PGLS: variants seen among roughly 807,000 people sequenced by gnomAD.
The protein encoded by PGLS is epididymis secretory protein Li 304.
PGLS carries 21 observed loss-of-function variants against 23.2 expected under a neutral mutation model. The ratio of observed to expected loss-of-function variants is 0.91; its 90% CI spans 0.64 to 1.31. PGLS has a LOEUF of 1.31. PGLS is among the 50% of genes most tolerant of loss of function. The pLI is 0.00. For synonymous variants in PGLS, 179 were observed against 165.4 expected (o/e 1.08, Z -0.63); for missense variants, 410 against 354.0 (o/e 1.16, Z -1.27).
chr19:17,513,489 ACAGAGTGAGACTGTCT>A (rs2075519046), intron 1 of PGLS, among the ~76,000 whole-genome samples: 2 of 147,572 alleles, frequency 1.4e-5, no homozygotes, highest in African/African-American at 5.1e-5. Flanking sequence ...ACCCTGGGCG[ACAGAGTGAGACTGTCT>A]TAAAGATAAA....
Position 17,516,228 on chromosome 19 carries a change from C to G in PGLS, c.344C>G (p.Pro115Arg). 1 of 1,614,134 alleles carries G rather than the reference C, an allele frequency of 6.2e-7. No individual in the cohort carries two copies. Among genetic ancestry groups the G allele is most frequent in the Non-Finnish European group, 8.5e-7 (1 of 1,179,984 alleles). Reference sequence around the variant, plus strand: ...GAAAGCCAGGTGATCACCATTAACCCCGAGCTGCCTGTGGAGGAGGCGGCT... The same window carrying G: ...GAAAGCCAGGTGATCACCATTAACCGCGAGCTGCCTGTGGAGGAGGCGGCT... ...IPESQVITIN[P>R]ELPVEEAAED... is the part of the protein sequence containing the mutation. The change falls in exon 2 of 5, where the codon CCC (proline) becomes CGC (arginine). Residue 115 changes from proline to arginine, a missense_variant. Transcript: ENST00000252603.
At chr19:17,516,823 G>A (rs377181026) in intron 2 of PGLS, among the ~76,000 whole-genome samples, 42 of 150,712 alleles carry the variant, frequency 2.8e-4, no homozygotes, top group African/African-American at 9.3e-4. Context: ...TCCTGACCTC[G>A]TGATCCGCCC....
chr19:17,521,263 G>A lies in PGLS; in HGVS notation c.*182G>A, dbSNP rs535935012. 8 of 594,844 alleles carry A rather than the reference G, an allele frequency of 1.3e-5. No homozygotes were observed. Among genetic ancestry groups the A allele is most frequent in the South Asian group, 2.2e-5 (1 of 44,906 alleles). The allele number at this position is 594,844 out of a possible 1,614,324, so 36.8% of individuals were successfully genotyped here. A position where few individuals can be genotyped will look rare whatever the true frequency, so the allele number is the denominator to read the frequency against. On this transcript the variant is annotated 3_prime_UTR_variant, in exon 5 of 5. Transcript: ENST00000252603. Reference sequence around the variant, plus strand: ...ACACAGGCTGTGGCTCTGGACATCCGGATATTAAAAGGAGCGTTGCTGGAA... The same window carrying A: ...ACACAGGCTGTGGCTCTGGACATCCAGATATTAAAAGGAGCGTTGCTGGAA...
At position 17,521,024 on chromosome 19, in the gene PGLS, G is replaced by C; in HGVS notation, c.720G>C (p.Leu240Phe). 1 of 1,601,258 alleles carries C rather than the reference G, an allele frequency of 6.2e-7. No individual in the cohort carries two copies. Among genetic ancestry groups the C allele is most frequent in the Non-Finnish European group, 8.5e-7 (1 of 1,173,212 alleles). Residue 240 changes from leucine (L) to phenylalanine (F), a missense_variant, in exon 5 of 5, where the codon TTG becomes TTC. Coordinates refer to ENST00000252603, the MANE Select transcript of PGLS (RefSeq NM_012088.3). Reference protein sequence around the residue: ...QPHTGKLCWFLDEAAARLLTV... With the variant: ...QPHTGKLCWFFDEAAARLLTV... ...ACACCGGGAAACTGTGCTGGTTCTT[G>C]GACGAGGCGGCCGCCCGCCTCCTGA... is the stretch of plus-strand genomic sequence containing the variant.
chr19:17,517,980 G>T, intron 4 of PGLS, 130 bp downstream of exon 4: 11 of 672,270 alleles, frequency 1.6e-5, no homozygotes, highest in Non-Finnish European at 2.3e-5. Flanking sequence ...GGGTTGAAAG[G>T]TAACTTGAAA....
At chr19:17,512,031 A>AC in intron 1 of PGLS, 71 bp downstream of exon 1, 1 of 1,429,432 alleles carries the variant, frequency 7.0e-7, no homozygotes, top group Non-Finnish European at 9.2e-7. Flanking sequence ...CCGGCTACGG[A>AC]GGCCGCCGGG....
rs201750643 is a variant in PGLS, at chr19:17,521,095, C to T, written c.*14C>T. 1.1e-4 allele frequency: 180 copies of T among 1,584,280 alleles called. No homozygotes were observed. The highest frequency in any genetic ancestry group is 2.4e-4 in the South Asian group (21 of 87,442). On this transcript the variant is annotated 3_prime_UTR_variant, in exon 5 of 5. Transcript: ENST00000252603. ...TCCACTTTGTAGCTGGCCAGAGGGA[C>T]GCCGCAGCTGGGACCAGGCACGCGG...
At chr19:17,515,773 C>A (rs946208263) in intron 1 of PGLS, 12 of 194,944 alleles carry the variant, frequency 6.2e-5, no homozygotes, top group African/African-American at 2.3e-4. Flanking sequence ...TAGACAGGTG[C>A]AGGCTATGGC....
At position 17,521,199 on chromosome 19, in the gene PGLS, C is replaced by A; in HGVS notation, c.*118C>A. On this transcript the variant is annotated 3_prime_UTR_variant, in exon 5 of 5. Coordinates refer to ENST00000252603, the MANE Select transcript of PGLS (RefSeq NM_012088.3). ...AGCCACGTCGTGCTGCTGCTGGAAG[C>A]CAACAGCCTCCGGCCAGCAGCCCTA... is the stretch of plus-strand genomic sequence containing the variant. The A allele has an allele frequency of 9.4e-7, 1 of 1,066,102 alleles. No homozygotes were observed. The highest frequency in any genetic ancestry group is 1.3e-6 in the Non-Finnish European group (1 of 760,220). 66.0% of individuals were successfully genotyped at this position (1,066,102 alleles called of 1,614,324 possible).
At chr19:17,517,460 A>T in intron 3 of PGLS, 71 bp downstream of exon 3, 1 of 1,248,510 alleles carries the variant, frequency 8.0e-7, no homozygotes, top group Non-Finnish European at 1.2e-6. Flanking sequence ...TTCCAGAGGG[A>T]GAGCCACCTG....
In PGLS at chr19:17,521,275, G is replaced by T; in HGVS notation, c.*194G>T. On this transcript the variant is annotated 3_prime_UTR_variant, in exon 5 of 5. Coordinates refer to ENST00000252603, the MANE Select transcript of PGLS (RefSeq NM_012088.3). ...GCTCTGGACATCCGGATATTAAAAGGAGCGTTGCTGGAAGTCTGCACTGTC... is the reference window on the plus strand; with the variant it reads ...GCTCTGGACATCCGGATATTAAAAGTAGCGTTGCTGGAAGTCTGCACTGTC... The T allele has an allele frequency of 1.7e-6, 1 of 578,050 alleles. No individual in the cohort carries two copies. The highest frequency in any genetic ancestry group is 3.1e-5 in the East Asian group (1 of 31,972). The allele number at this position is 578,050 out of a possible 1,614,324, so 35.8% of individuals were successfully genotyped here. A position where few individuals can be genotyped will look rare whatever the true frequency, so the allele number is the denominator to read the frequency against.
intron 2 of PGLS, 70 bp from the exon 3 acceptor site, chr19:17,517,218 C>G: frequency 1.1e-6 from 1 of 918,632 alleles, no homozygotes; most frequent in Non-Finnish European, 1.8e-6. Context: ...ACAACTGTTT[C>G]TGTGTCCTCT....
At chr19:17,515,748 G>C (rs1043296581) in intron 1 of PGLS, 2 of 175,656 alleles carry the variant, frequency 1.1e-5, no homozygotes, top group African/African-American at 4.7e-5. Flanking sequence ...CTTTGAAACA[G>C]GACAATGGGC....
intron 1 of PGLS, chr19:17,512,888 A>G (rs1235615942): frequency 6.6e-6 from 1 of 152,192 alleles, no homozygotes; most frequent in Admixed American, 6.5e-5. Context: ...AACGCTTTAT[A>G]TGCATCAATT....
Position 17,511,714 on chromosome 19 carries a change from T to G in PGLS, c.42T>G (p.Ser14Arg), listed in dbSNP as rs770261837. 18 of 1,509,626 alleles carry G rather than the reference T, an allele frequency of 1.2e-5. No homozygotes were observed. Among genetic ancestry groups the G allele is most frequent in the Admixed American group, 8.4e-5 (4 of 47,572 alleles). The allele number at this position is 1,509,626 out of a possible 1,614,324, so 93.5% of individuals were successfully genotyped here. A position where few individuals can be genotyped will look rare whatever the true frequency, so the allele number is the denominator to read the frequency against. ...PAPGLISVFSSSQELGAALAQ... is the reference protein window; with the variant it reads ...PAPGLISVFSRSQELGAALAQ... ...CGGGCCTCATCTCGGTGTTCTCGAG[T>G]TCCCAGGAGCTGGGTGCGGCGCTAG... The change falls in exon 1 of 5, where the codon AGT becomes AGG. Residue 14 changes from serine (S) to arginine (R), a missense_variant. Ser to Arg is a moderately radical substitution (Grantham distance 110, BLOSUM62 -1). Coordinates refer to ENST00000252603, the MANE Select transcript of PGLS (RefSeq NM_012088.3).
Position 17,511,663 on chromosome 19 carries a change from C to T in PGLS, c.-10C>T, listed in dbSNP as rs2144639093. ...GGGAGCGCTTCCTCCTCCCCGCCGC[C>T]GCCCTCGCCATGGCCGCGCCGGCCC... On this transcript the variant is annotated 5_prime_UTR_variant, in exon 1 of 5. Coordinates refer to ENST00000252603, the MANE Select transcript of PGLS (RefSeq NM_012088.3). The T allele has an allele frequency of 2.0e-6, 3 of 1,471,752 alleles. No individual in the cohort carries two copies. The highest frequency in any genetic ancestry group is 2.2e-4 in the Middle Eastern group (1 of 4,496). The allele number at this position is 1,471,752 out of a possible 1,614,324, so 91.2% of individuals were successfully genotyped here.
intron 1 of PGLS, chr19:17,512,376 C>T (rs2075513342): frequency 5.3e-6 from 1 of 189,092 alleles, no homozygotes; most frequent in Admixed American, 6.1e-5. Context: ...AAATGGTCTA[C>T]TTGCAGTCCG....
chr19:17,513,859 G>A (rs532323926), intron 1 of PGLS, among the ~76,000 whole-genome samples: 61 of 152,298 alleles, frequency 4.0e-4, no homozygotes, highest in Non-Finnish European at 5.3e-4. Context: ...CTAGGGAATA[G>A]GGAGTGAGCA....
In PGLS at chr19:17,511,980, C is replaced by T; in HGVS notation, c.288+20C>T. ...TACCGGGTGAGAGCTACGGGGGCCG[C>T]CGGGGATCACGCCGAGAGGGCCACA... On this transcript the variant is annotated intron_variant, in intron 1 of 4. Transcript: ENST00000252603. The T allele has an allele frequency of 2.0e-6, 3 of 1,531,894 alleles. No homozygotes were observed. Among genetic ancestry groups the T allele is most frequent in the Non-Finnish European group, 2.6e-6 (3 of 1,140,906 alleles). 94.9% of individuals were successfully genotyped at this position (1,531,894 alleles called of 1,614,324 possible).
Sources: gnomAD v4.1 joint callset for allele counts (sites outside exome capture counted in the v4.1 genomes callset) on GRCh38, gnomAD v4.1.1 for gene constraint, MANE v1.5 for transcripts, NCBI Gene and HGNC (gene_info 2026-07-23, HGNC 2026-07-21) for gene names.